SGO2: variants seen among roughly 807,000 people sequenced by gnomAD.
SGO2 encodes the protein shugoshin-like 2.
A neutral mutation model predicts 99.5 loss-of-function variants in SGO2; 68 were observed. The observed-to-expected ratio is 0.68, with a 90% CI of 0.56 to 0.84. The LOEUF (loss-of-function observed/expected upper bound fraction) is 0.84, where lower values mean the gene tolerates loss of function less well. SGO2 is among the 40% of genes least tolerant of loss of function. SGO2 has a pLI of 0.00. For missense variants in SGO2, 1,350 were observed against 1,436.7 expected, an observed-to-expected ratio of 0.94 and a Z score of 0.97; for synonymous variants, 457 against 487.1, an observed-to-expected ratio of 0.94 and a Z score of 0.81.
intron 5 of SGO2, among the ~76,000 whole-genome samples, chr2:200,547,492 T>C (rs1385253905): frequency 1.3e-5 from 2 of 152,196 alleles, no homozygotes; most frequent in African/African-American, 2.4e-5. Context: ...CAGAATCCTT[T>C]GTTAACTGTA....
At chr2:200,552,119 CT>C (rs1470341163) in intron 5 of SGO2, among the ~76,000 whole-genome samples, 1 of 152,066 alleles carries the variant, frequency 6.6e-6, no homozygotes, top group Non-Finnish European at 1.5e-5. Flanking sequence ...ATATATCACT[CT>C]ATTTAGCTAT....
intron 1 of SGO2, among the ~76,000 whole-genome samples, chr2:200,531,278 G>T (rs148776683): frequency 4.5e-4 from 68 of 152,270 alleles, no homozygotes; most frequent in Admixed American, 1.2e-3. Context: ...TTCTGAGAGA[G>T]AATAACAATG....
Position 200,572,280 on chromosome 2 carries a change from A to AT in SGO2, c.1943dup (p.Lys649GlnfsTer6), listed in dbSNP as rs771387868. On this transcript the variant is annotated frameshift_variant, in exon 7 of 9. Coordinates refer to ENST00000357799, the MANE Select transcript of SGO2 (RefSeq NM_152524.6). LOFTEE classifies it high-confidence loss of function. ...GTGGTGCATGGCCTAAAAAAAGGTA[A>AT]TTTTTTTTTCAAAACCCAAGAGGAT... is the stretch of plus-strand genomic sequence containing the variant. The AT allele has an allele frequency of 7.3e-5, 118 of 1,606,680 alleles. No individual in the cohort carries two copies. Among genetic ancestry groups the AT allele is most frequent in the Admixed American group, 2.0e-4 (12 of 59,046 alleles).
At chr2:200,577,344 T>C (rs942628621) in intron 8 of SGO2, among the ~76,000 whole-genome samples, 1 of 152,214 alleles carries the variant, frequency 6.6e-6, no homozygotes, top group Non-Finnish European at 1.5e-5. Flanking sequence ...GAAATGCCTG[T>C]TGAGATCCTT....
At chr2:200,547,294 C>A (rs1222661330) in intron 5 of SGO2, among the ~76,000 whole-genome samples, 1 of 152,136 alleles carries the variant, frequency 6.6e-6, no homozygotes, top group Non-Finnish European at 1.5e-5. Context: ...AATTGTCATG[C>A]AAATTTAAAG....
At position 200,535,159 on chromosome 2, in the gene SGO2, G is replaced by C; in HGVS notation, c.297G>C (p.Lys99Asn). Residue 99 changes from lysine to asparagine, a missense_variant, in exon 3 of 9, where the codon AAG (lysine) becomes AAC (asparagine). Physicochemically the swap from Lys to Asn is moderately conservative, Grantham distance 94 (BLOSUM62 0). Coordinates refer to ENST00000357799, the MANE Select transcript of SGO2 (RefSeq NM_152524.6). Reference sequence around the variant, plus strand: ...TTGAGAACACATTTCTTCGCCTAAAGCTAAATAACTTGGTATGTAAGCTAT... The same window carrying C: ...TTGAGAACACATTTCTTCGCCTAAACCTAAATAACTTGGTATGTAAGCTAT... ...LNFENTFLRL[K>N]LNNLNKKLID... 6.6e-7 allele frequency: 1 copy of C among 1,523,724 alleles called. No homozygotes were observed. Among genetic ancestry groups the C allele is most frequent in the South Asian group, 1.3e-5 (1 of 76,880 alleles). 94.4% of individuals were successfully genotyped at this position (1,523,724 alleles called of 1,614,324 possible).
intron 5 of SGO2, among the ~76,000 whole-genome samples, chr2:200,565,851 A>C (rs1034981002): frequency 5.3e-5 from 8 of 152,208 alleles, no homozygotes; most frequent in Non-Finnish European, 8.8e-5. Flanking sequence ...CCAGTTGATC[A>C]AATCAGCTAC....
intron 5 of SGO2, among the ~76,000 whole-genome samples, chr2:200,559,882 T>A (rs758028305): frequency 2.0e-5 from 3 of 152,246 alleles, no homozygotes; most frequent in Non-Finnish European, 4.4e-5. Context: ...CTAGCTTAAT[T>A]CTGCTATAAT....
At position 200,569,744 on chromosome 2, in the gene SGO2, A is replaced by G. The variant is rs1292893337; in HGVS notation, c.555A>G (p.Leu185=). ...QCDNNIKSKT[L]PDIPSSGSTT... ...ACAACAATATTAAATCAAAGACATTACCTGATATTCCCTCTTCAGGATCAA... is the reference window on the plus strand; with the variant it reads ...ACAACAATATTAAATCAAAGACATTGCCTGATATTCCCTCTTCAGGATCAA... The change falls in exon 6 of 9, where the codon TTA becomes TTG. Residue 185 remains leucine, a synonymous_variant. Coordinates refer to ENST00000357799, the MANE Select transcript of SGO2 (RefSeq NM_152524.6). 3 of 1,612,990 alleles carry G rather than the reference A, an allele frequency of 1.9e-6. No individual in the cohort carries two copies. The African/African-American group carries it at 4.0e-5, about 22-fold the overall frequency.
intron 5 of SGO2, among the ~76,000 whole-genome samples, chr2:200,564,054 A>G (rs184274935): frequency 9.1e-4 from 138 of 152,132 alleles, no homozygotes; most frequent in African/African-American, 3.2e-3. Flanking sequence ...TTGTGTCTCT[A>G]TCTCCTTCAG....
chr2:200,550,232 A>C (rs982939937), intron 5 of SGO2, among the ~76,000 whole-genome samples: 5 of 152,222 alleles, frequency 3.3e-5, no homozygotes, highest in Admixed American at 2.0e-4. Context: ...TTCCATGCTC[A>C]TGGATTGGAA....
At position 200,572,279 on chromosome 2, in the gene SGO2, AATT is replaced by A; in HGVS notation, c.1934_1936del (p.Asn645_Phe646delinsIle). On this transcript the variant is annotated inframe_deletion, in exon 7 of 9. Coordinates refer to ENST00000357799, the MANE Select transcript of SGO2 (RefSeq NM_152524.6). Reference sequence around the variant, plus strand: ...TGTGGTGCATGGCCTAAAAAAAGGTAATTTTTTTTTCAAAACCCAAGAGGATAA... The same window carrying A: ...TGTGGTGCATGGCCTAAAAAAAGGTATTTTTTTCAAAACCCAAGAGGATAA... 6.2e-7 allele frequency: 1 copy of A among 1,610,718 alleles called. No individual in the cohort carries two copies. The highest frequency in any genetic ancestry group is 1.1e-5 in the South Asian group (1 of 90,096).
At chr2:200,533,924 T>G (rs772109139) in intron 2 of SGO2, among the ~76,000 whole-genome samples, 11 of 152,142 alleles carry the variant, frequency 7.2e-5, no homozygotes, top group Non-Finnish European at 1.3e-4. Flanking sequence ...ACACCCCCTG[T>G]TATGAAGGAA....
chr2:200,566,584 A>G (rs144060229), intron 5 of SGO2, among the ~76,000 whole-genome samples: 2 of 152,298 alleles, frequency 1.3e-5, no homozygotes, highest in Admixed American at 6.5e-5. Flanking sequence ...GGGAACGACT[A>G]TTCTCTTCAA....
At chr2:200,533,413 A>G (rs541149339) in intron 2 of SGO2, 1 of 228,088 alleles carries the variant, frequency 4.4e-6, no homozygotes, top group East Asian at 1.3e-4. Context: ...ATGTAGTAAG[A>G]GTAGCAGGTT....
chr2:200,580,623 A>G (rs1204663586), intron 8 of SGO2: 2 of 289,996 alleles, frequency 6.9e-6, no homozygotes, highest in East Asian at 1.4e-4. Context: ...CTTGAGCCCA[A>G]GAGTCGGAGA....
Position 200,572,558 on chromosome 2 carries a change from A to T in SGO2, c.2212A>T (p.Thr738Ser). The stretch of plus-strand genomic sequence containing the variant: ...AGATAATGACAAAAGTATAGAATAC[A>T]CAGTTAAAAGTCACTCACTCTTTTT... ...HLDNDKSIEYTVKSHSLFLTQ... is the reference protein window; with the variant it reads ...HLDNDKSIEYSVKSHSLFLTQ... The change falls in exon 7 of 9, where the codon ACA (threonine) becomes TCA (serine). Residue 738 changes from threonine to serine, a missense_variant. Thr to Ser is a moderately conservative substitution (Grantham distance 58, BLOSUM62 1). Coordinates refer to ENST00000357799, the MANE Select transcript of SGO2 (RefSeq NM_152524.6). 1 of 1,612,228 alleles carries T rather than the reference A, an allele frequency of 6.2e-7. No homozygotes were observed. The highest frequency in any genetic ancestry group is 8.5e-7 in the Non-Finnish European group (1 of 1,178,690).
At chr2:200,582,484 G>A (rs1184366575) in intron 8 of SGO2, among the ~76,000 whole-genome samples, 1 of 152,022 alleles carries the variant, frequency 6.6e-6, no homozygotes, top group African/African-American at 2.4e-5. Flanking sequence ...AATAACTTGG[G>A]TGCTGAATTA....
Position 200,569,875 on chromosome 2 carries a change from T to C in SGO2, c.686T>C (p.Val229Ala). 3 of 1,584,180 alleles carry C rather than the reference T, an allele frequency of 1.9e-6. No individual in the cohort carries two copies. Among genetic ancestry groups the C allele is most frequent in the Admixed American group, 1.7e-5 (1 of 59,766 alleles). ...GATTCAGAACATATTTCTTCTATAG[T>C]TGATGTACCTCCCAGAGGTGAGATT... The part of the protein sequence containing the change: ...LDDSEHISSI[V>A]DVPPRESHSH... Residue 229 changes from valine to alanine, a missense_variant, in exon 6 of 9, where the codon GTT becomes GCT. By Grantham distance (64) the Val-to-Ala change is moderately conservative. Coordinates refer to ENST00000357799, the MANE Select transcript of SGO2 (RefSeq NM_152524.6).
Sources: allele counts gnomAD v4.1 joint callset (sites outside exome capture counted in the v4.1 genomes callset), GRCh38; gene constraint gnomAD v4.1.1; transcripts MANE v1.5; gene names NCBI Gene and HGNC (gene_info 2026-07-23, HGNC 2026-07-21).